ERLIN2: variants seen among roughly 807,000 people sequenced by gnomAD.
ERLIN2 encodes erlin-2.
ERLIN2 carries 22 observed loss-of-function variants against 41.5 expected under a neutral mutation model. The ratio of observed to expected loss-of-function variants is 0.53; its 90% CI spans 0.38 to 0.76. ERLIN2 has a LOEUF of 0.76. Among genes scored for constraint, ERLIN2 ranks in the 30% least tolerant of loss-of-function variants. ERLIN2 has a pLI of 0.00. For synonymous variants in ERLIN2, 149 were observed against 150.9 expected, an observed-to-expected ratio of 0.99 and a Z score of 0.09; for missense variants, 247 against 414.3, an observed-to-expected ratio of 0.60 and a Z score of 3.51.
intron 3 of ERLIN2, chr8:37,740,828 A>T (rs1802825978): frequency 6.5e-6 from 1 of 152,880 alleles, no homozygotes; most frequent in Non-Finnish European, 1.5e-5. Context: ...GTGAGTGGGG[A>T]GGAGTTAAAC....
chr8:37,757,837 G>A lies in ERLIN2; in HGVS notation c.*3722G>A, dbSNP rs1803394285. The A allele has an allele frequency of 6.6e-6, 1 of 152,142 alleles. No individual in the cohort carries two copies. Among genetic ancestry groups the A allele is most frequent in the African/African-American group, 2.4e-5 (1 of 41,432 alleles). 9.4% of individuals were successfully genotyped at this position (152,142 alleles called of 1,614,324 possible). ...GAACGTGGCATAATTCTTGGTAGGT[G>A]CTATAGAGATTTATCATTTTAAACA... is the stretch of plus-strand genomic sequence containing the variant. On this transcript the variant is annotated 3_prime_UTR_variant, in exon 12 of 12. Transcript: ENST00000519638.
At chr8:37,751,104 A>G (rs1294844787) in intron 9 of ERLIN2, among the ~76,000 whole-genome samples, 2 of 152,240 alleles carry the variant, frequency 1.3e-5, no homozygotes, top group Non-Finnish European at 2.9e-5. Context: ...TATGTGGGTT[A>G]AGTCAACCCT....
chr8:37,749,770 G>T, intron 7 of ERLIN2, 24 bp from the exon 8 acceptor site: 1 of 1,613,232 alleles, frequency 6.2e-7, no homozygotes, highest in East Asian at 2.2e-5. Context: ...TTTCCCATCA[G>T]CTGCTGTTTT....
intron 4 of ERLIN2, among the ~76,000 whole-genome samples, chr8:37,744,143 G>A (rs907588878): frequency 6.6e-6 from 1 of 152,184 alleles, no homozygotes; most frequent in Non-Finnish European, 1.5e-5. Context: ...TCTTTGTAGA[G>A]ATGTTCCTAG....
rs1349800162 is a variant in ERLIN2, at chr8:37,740,356, C to T, written c.108-9C>T. The T allele has an allele frequency of 3.1e-6, 5 of 1,608,220 alleles. No individual in the cohort carries two copies. In the African/African-American group the frequency reaches 6.7e-5, roughly 22 times the overall value. On this transcript the variant is annotated splice_polypyrimidine_tract_variant and intron_variant, in intron 2 of 11. Transcript: ENST00000519638. ...CTGAAGCTGCCTCTCTCTTCCCCCTCCTCTGCAGAGGCGGTGCCCTGCTGA... is the reference window on the plus strand; with the variant it reads ...CTGAAGCTGCCTCTCTCTTCCCCCTTCTCTGCAGAGGCGGTGCCCTGCTGA...
rs1396989366 is a variant in ERLIN2 at position 37,750,421 on chromosome 8, T to C, written c.584T>C (p.Ile195Thr). ...LMESEKTKLL[I>T]AAQKQKVVEK... is the part of the protein sequence containing the mutation. ...GAAAGTGAGAAGACAAAGCTTCTCA[T>C]TGCCGCCCAGAAACAGAAGGTGGTG... Residue 195 changes from isoleucine (I) to threonine (T), a missense_variant, in exon 9 of 12, where the codon ATT becomes ACT. Transcript: ENST00000519638. 1 of 1,613,598 alleles carries C rather than the reference T, an allele frequency of 6.2e-7. No homozygotes were observed. Among genetic ancestry groups the C allele is most frequent in the Non-Finnish European group, 8.5e-7 (1 of 1,179,934 alleles).
chr8:37,739,136 T>G (rs915085678), intron 2 of ERLIN2, among the ~76,000 whole-genome samples: 3 of 152,216 alleles, frequency 2.0e-5, no homozygotes, highest in Non-Finnish European at 2.9e-5. Flanking sequence ...TGAACTCTTC[T>G]TATATGTGCT....
chr8:37,757,529 T>C lies in ERLIN2; in HGVS notation c.*3414T>C, dbSNP rs566857031. The C allele has an allele frequency of 7.8e-4, 119 of 152,360 alleles. No individual in the cohort carries two copies. The highest frequency in any genetic ancestry group is 2.7e-3 in the African/African-American group (114 of 41,584). The allele number at this position is 152,360 out of a possible 1,614,324, so 9.4% of individuals were successfully genotyped here. On this transcript the variant is annotated 3_prime_UTR_variant, in exon 12 of 12. Coordinates refer to ENST00000519638, the MANE Select transcript of ERLIN2 (RefSeq NM_007175.8). ...TTGTAACTGAGAAATGATTCTTGTT[T>C]TAGTAATCATTCTATAAATGATACT...
At chr8:37,739,811 TC>T (rs1220267932) in intron 2 of ERLIN2, among the ~76,000 whole-genome samples, 2 of 150,320 alleles carry the variant, frequency 1.3e-5, no homozygotes, top group African/African-American at 4.9e-5. Context: ...GCTGTCTTTT[TC>T]TTTTTTTTTT....
intron 6 of ERLIN2, 90 bp downstream of exon 6, chr8:37,744,786 G>T: frequency 7.3e-7 from 1 of 1,378,438 alleles, no homozygotes; most frequent in South Asian, 1.2e-5. Flanking sequence ...CTGCCTGCAG[G>T]GTGTGATGGT....
rs530941854 is a variant in ERLIN2, at chr8:37,747,888, T to G, written c.425-1671T>G. 5.6e-6 allele frequency: 9 copies of G among 1,613,970 alleles called. No homozygotes were observed. In the South Asian group the frequency reaches 8.8e-5, roughly 16 times the overall value. The stretch of plus-strand genomic sequence containing the variant: ...ATTTCTCTAACTGACAGTCCAGCAC[T>G]AGGACCACCTGGCCGCACAAACAGT... On this transcript the variant is annotated intron_variant, in intron 6 of 11. Coordinates refer to ENST00000519638, the MANE Select transcript of ERLIN2 (RefSeq NM_007175.8).
chr8:37,737,625 TC>T (rs746991225), intron 1 of ERLIN2: 3 of 441,780 alleles, frequency 6.8e-6, no homozygotes, highest in Non-Finnish European at 1.3e-5. Flanking sequence ...AAGGCTGTGT[TC>T]TGAACCCTAC....
chr8:37,747,690 C>T (rs1034779705), intron 6 of ERLIN2: 1 of 1,594,080 alleles, frequency 6.3e-7, no homozygotes, highest in Non-Finnish European at 8.6e-7. Context: ...CATTCTTCGG[C>T]TGGGATTGGT....
Position 37,744,638 on chromosome 8 carries a change from C to T in ERLIN2, c.366C>T (p.His122=), listed in dbSNP as rs374568375. Residue 122 remains histidine (H), a synonymous_variant, in exon 6 of 12, where the codon CAC becomes CAT. Coordinates refer to ENST00000519638, the MANE Select transcript of ERLIN2 (RefSeq NM_007175.8). ...CCCTCATCTTCAACAAGATCCACCA[C>T]GAACTGAACCAGTTCTGCAGTGTGC... ...DKALIFNKIH[H]ELNQFCSVHT... 3.9e-5 allele frequency: 63 copies of T among 1,614,038 alleles called. No individual in the cohort carries two copies. The highest frequency in any genetic ancestry group is 6.6e-5 in the South Asian group (6 of 91,076).
At chr8:37,745,861 C>A in intron 6 of ERLIN2, 2 of 1,307,536 alleles carry the variant, frequency 1.5e-6, no homozygotes, top group Non-Finnish European at 1.9e-6. Context: ...TAACCTCAAA[C>A]TAATAGAATT....
chr8:37,741,744 T>C lies in ERLIN2; in HGVS notation c.190-28T>C. On this transcript the variant is annotated intron_variant, in intron 3 of 11. Transcript: ENST00000519638. The surrounding 1 kb of genome is among the most constrained non-coding windows in gnomAD (Gnocchi z 4.8). ...AGTTACTTTGTCACTGCCCATCTTC[T>C]AGCACTTTATGTTTCCTCTGTTTCC... 1 of 1,595,416 alleles carries C rather than the reference T, an allele frequency of 6.3e-7. No individual in the cohort carries two copies. The highest frequency in any genetic ancestry group is 1.7e-5 in the Admixed American group (1 of 60,008).
In ERLIN2 at chr8:37,757,569, C is replaced by T. The variant is rs1238554606; in HGVS notation, c.*3454C>T. 2.6e-5 allele frequency: 4 copies of T among 152,228 alleles called. No homozygotes were observed. The highest frequency in any genetic ancestry group is 5.9e-5 in the Non-Finnish European group (4 of 68,014). 9.4% of individuals were successfully genotyped at this position (152,228 alleles called of 1,614,324 possible). A position where few individuals can be genotyped will look rare whatever the true frequency, so the allele number is the denominator to read the frequency against. Reference sequence around the variant, plus strand: ...TAAATGATACTGCTGGATTGATTGCCGTGGGTTGATAGCTGGAGGAATTGT... The same window carrying T: ...TAAATGATACTGCTGGATTGATTGCTGTGGGTTGATAGCTGGAGGAATTGT... On this transcript the variant is annotated 3_prime_UTR_variant, in exon 12 of 12. Transcript: ENST00000519638.
intron 4 of ERLIN2, among the ~76,000 whole-genome samples, chr8:37,742,678 G>C (rs1802893750): frequency 6.6e-6 from 1 of 152,150 alleles, no homozygotes; most frequent in Non-Finnish European, 1.5e-5. Context: ...GGGAGAGGGA[G>C]AGCATCAGGA....
At chr8:37,742,502 AC>A (rs71216628) in intron 4 of ERLIN2, among the ~76,000 whole-genome samples, 152,308 of 152,308 alleles carry the variant, frequency 1, 76,154 homozygotes, top group Non-Finnish European at 1. Flanking sequence ...TGTCCTTTGC[AC>A]GGGACATGGA....
Sources: allele counts gnomAD v4.1 joint callset (sites outside exome capture counted in the v4.1 genomes callset), GRCh38; gene constraint gnomAD v4.1.1; non-coding constraint Gnocchi (gnomAD v3.1); transcripts MANE v1.5; gene names NCBI Gene and HGNC (gene_info 2026-07-23, HGNC 2026-07-21).